The following PAXBP1 variants were observed in gnomAD, a reference collection of about 807,000 sequenced individuals.
PAXBP1 encodes PAX3 and PAX7 binding protein 1.
PAXBP1 carries 44 observed loss-of-function variants against 119.9 expected under a neutral mutation model. The ratio of observed to expected loss-of-function variants is 0.37; its 90% CI spans 0.29 to 0.47. The LOEUF (loss-of-function observed/expected upper bound fraction) is 0.47, where lower values mean the gene tolerates loss of function less well. Ranked by LOEUF, PAXBP1 falls within the 20% of genes least tolerant of loss-of-function variation. PAXBP1 has a pLI of 0.99. For missense variants in PAXBP1, 898 were observed against 1,134.1 expected (o/e 0.79, Z 2.99); for synonymous variants, 393 against 406.6 (o/e 0.97, Z 0.40).
chr21:32,771,676 G>A lies in PAXBP1; in HGVS notation c.-8C>T. 1 of 1,398,716 alleles carries A rather than the reference G, an allele frequency of 7.1e-7. No homozygotes were observed. Among genetic ancestry groups the A allele is most frequent in the Non-Finnish European group, 9.2e-7 (1 of 1,081,606 alleles). 86.6% of individuals were successfully genotyped at this position (1,398,716 alleles called of 1,614,324 possible). A position where few individuals can be genotyped will look rare whatever the true frequency, so the allele number is the denominator to read the frequency against. On this transcript the variant is annotated 5_prime_UTR_variant, in exon 1 of 18. Coordinates refer to ENST00000331923, the MANE Select transcript of PAXBP1 (RefSeq NM_016631.4). ...CCGGGCCTTTCGGAACATCCCCGCG[G>A]CCCGCACGGCGGTCGAATACTCGCT...
Position 32,764,640 on chromosome 21 carries a change from C to G in PAXBP1, c.473-116G>C. On this transcript the variant is annotated intron_variant, in intron 2 of 17. Coordinates refer to ENST00000331923, the MANE Select transcript of PAXBP1 (RefSeq NM_016631.4). ...TTTAATTAAAAAAAGGGGAACTTTT[C>G]ATTCAATTATGGGCTCAATCCAGTA... 4.2e-6 allele frequency: 3 copies of G among 714,166 alleles called. No homozygotes were observed. In the Admixed American group the frequency reaches 9.7e-5, roughly 23 times the overall value. 44.2% of individuals were successfully genotyped at this position (714,166 alleles called of 1,614,324 possible).
rs749435435 is a variant in PAXBP1, at chr21:32,737,234, T to C, written c.2636+20A>G. 2 of 1,496,274 alleles carry C rather than the reference T, an allele frequency of 1.3e-6. No homozygotes were observed. The highest frequency in any genetic ancestry group is 9.0e-7 in the Non-Finnish European group (1 of 1,115,156). 92.7% of individuals were successfully genotyped at this position (1,496,274 alleles called of 1,614,324 possible). On this transcript the variant is annotated intron_variant, in intron 17 of 17. Coordinates refer to ENST00000331923, the MANE Select transcript of PAXBP1 (RefSeq NM_016631.4). The stretch of plus-strand genomic sequence containing the variant: ...CAACTAAACAACTCTAGATTACCAT[T>C]TCATTAATTACAAAATTACCTTGCA...
chr21:32,763,694 A>AGTT (rs2044189488), intron 3 of PAXBP1, among the ~76,000 whole-genome samples: 1 of 152,208 alleles, frequency 6.6e-6, no homozygotes, highest in African/African-American at 2.4e-5. Context: ...CATAAAACTA[A>AGTT]CAGAAATTAG....
rs551967649 is a variant in PAXBP1 at position 32,759,532 on chromosome 21, G to A, written c.1193+245C>T. 2.1e-4 allele frequency: 128 copies of A among 602,846 alleles called. No individual in the cohort carries two copies. In the African/African-American group the frequency reaches 2.3e-3, roughly 11 times the overall value. 37.3% of individuals were successfully genotyped at this position (602,846 alleles called of 1,614,324 possible). A position where few individuals can be genotyped will look rare whatever the true frequency, so the allele number is the denominator to read the frequency against. On this transcript the variant is annotated intron_variant, in intron 6 of 17. Coordinates refer to ENST00000331923, the MANE Select transcript of PAXBP1 (RefSeq NM_016631.4). ...GACTACACTTTTTCAGAGTCCAAGAGGTACAAACTCAGAAATGTCTTCAAC... is the reference window on the plus strand; with the variant it reads ...GACTACACTTTTTCAGAGTCCAAGAAGTACAAACTCAGAAATGTCTTCAAC...
intron 7 of PAXBP1, among the ~76,000 whole-genome samples, chr21:32,758,474 T>C (rs1307894129): frequency 2.0e-5 from 3 of 151,678 alleles, no homozygotes; most frequent in Non-Finnish European, 2.9e-5. Context: ...CAATAAATAG[T>C]ATAAGAATGC....
intron 7 of PAXBP1, chr21:32,755,718 C>T (rs2146499741): frequency 6.2e-6 from 1 of 160,346 alleles, no homozygotes; most frequent in Middle Eastern, 3.0e-3. Context: ...TTTCCAGCAG[C>T]ATTATCTGCA....
chr21:32,740,924 T>C (rs532169352), intron 15 of PAXBP1, among the ~76,000 whole-genome samples: 1 of 152,298 alleles, frequency 6.6e-6, no homozygotes, highest in East Asian at 1.9e-4. Context: ...AGCAAAAGAT[T>C]TGAAGACATT....
chr21:32,749,439 C>T (rs1451976116), intron 10 of PAXBP1, among the ~76,000 whole-genome samples: 1 of 152,096 alleles, frequency 6.6e-6, no homozygotes, highest in African/African-American at 2.4e-5. Flanking sequence ...AAGTGGTCCG[C>T]TGCCTCGGCC....
Position 32,751,234 on chromosome 21 carries a change from A to C in PAXBP1, c.1508-16T>G, listed in dbSNP as rs764068210. 1 of 1,611,676 alleles carries C rather than the reference A, an allele frequency of 6.2e-7. No homozygotes were observed. Among genetic ancestry groups the C allele is most frequent in the Middle Eastern group, 1.7e-4 (1 of 6,058 alleles). On this transcript the variant is annotated splice_polypyrimidine_tract_variant and intron_variant, in intron 8 of 17. Transcript: ENST00000331923. ...AGAGCTTTGTCTGCAAAACAACAAC[A>C]GTTAAAATTAAAAGCCATCTTTCAA...
At chr21:32,744,045 A>G (rs2043830441) in intron 13 of PAXBP1, among the ~76,000 whole-genome samples, 2 of 152,184 alleles carry the variant, frequency 1.3e-5, no homozygotes. Flanking sequence ...AATGACAAAG[A>G]GCACCCACCT....
chr21:32,741,115 A>G (rs1430372653), intron 15 of PAXBP1, among the ~76,000 whole-genome samples: 1 of 152,240 alleles, frequency 6.6e-6, no homozygotes, highest in Non-Finnish European at 1.5e-5. Context: ...GGACAGTAAT[A>G]GGTTACTGGT....
At chr21:32,739,359 G>C (rs567346783) in intron 15 of PAXBP1, among the ~76,000 whole-genome samples, 1 of 152,268 alleles carries the variant, frequency 6.6e-6, no homozygotes, top group South Asian at 2.1e-4. Context: ...GCAGGTTATT[G>C]TGTGCCTCAC....
At chr21:32,755,044 C>G (rs988401844) in intron 8 of PAXBP1, among the ~76,000 whole-genome samples, 186 bp downstream of exon 8, 1 of 151,532 alleles carries the variant, frequency 6.6e-6, no homozygotes, top group Non-Finnish European at 1.5e-5. Flanking sequence ...CTTTGTGAAG[C>G]TCTATTTTCT....
chr21:32,763,494 G>T (rs570096102), intron 3 of PAXBP1, among the ~76,000 whole-genome samples: 3 of 152,148 alleles, frequency 2.0e-5, no homozygotes, highest in Admixed American at 2.0e-4. Flanking sequence ...AGTGATGTAT[G>T]TATAGAATTT....
At chr21:32,749,519 C>A (rs2146486725) in intron 10 of PAXBP1, among the ~76,000 whole-genome samples, 1 of 152,006 alleles carries the variant, frequency 6.6e-6, no homozygotes, top group African/African-American at 2.4e-5. Context: ...TTATGATGTC[C>A]CAGATTACTT....
chr21:32,738,868 A>G (rs902280575), intron 15 of PAXBP1, among the ~76,000 whole-genome samples: 2 of 152,210 alleles, frequency 1.3e-5, no homozygotes, highest in Admixed American at 6.5e-5. Flanking sequence ...ATAGTTTCCC[A>G]GTTGTTTCTC....
At chr21:32,757,508 T>C (rs933975904) in intron 7 of PAXBP1, among the ~76,000 whole-genome samples, 11 of 152,186 alleles carry the variant, frequency 7.2e-5, no homozygotes, top group Admixed American at 1.3e-4. Flanking sequence ...TAATCTGAAG[T>C]AAACTTCTCT....
intron 10 of PAXBP1, among the ~76,000 whole-genome samples, chr21:32,749,428 C>T (rs935659789): frequency 3.3e-5 from 5 of 151,986 alleles, no homozygotes; most frequent in African/African-American, 1.2e-4. Context: ...TTCCTGACTT[C>T]AAGTGGTCCG....
chr21:32,737,225 G>A (rs773546406), intron 17 of PAXBP1, 29 bp downstream of exon 17: 18 of 1,474,210 alleles, frequency 1.2e-5, no homozygotes, highest in Non-Finnish European at 1.6e-5. Flanking sequence ...AACAACTCTA[G>A]ATTACCATTT....
Sources: allele counts gnomAD v4.1 joint callset (sites outside exome capture counted in the v4.1 genomes callset), GRCh38; gene constraint gnomAD v4.1.1; transcripts MANE v1.5; gene names NCBI Gene and HGNC (gene_info 2026-07-23, HGNC 2026-07-21).